Variants in QKI observed in about 807,000 individuals in gnomAD.
QKI encodes KH domain-containing RNA-binding protein QKI.
In QKI, 10 loss-of-function variants were observed where a neutral mutation model predicts 39.0. The observed-to-expected ratio is 0.26, with a 90% confidence interval of 0.16 to 0.43. QKI has a LOEUF of 0.43. QKI is among the 20% of genes least tolerant of loss of function. The pLI is 1.00. For synonymous variants in QKI, 204 were observed against 155.4 expected, an observed-to-expected ratio of 1.31 and a Z score of -2.33; for missense variants, 218 against 428.0, an observed-to-expected ratio of 0.51 and a Z score of 4.33.
chr6:163,458,481 A>G (rs760693278), intron 2 of QKI, among the ~76,000 whole-genome samples: 2 of 152,228 alleles, frequency 1.3e-5, no homozygotes, highest in Non-Finnish European at 2.9e-5. Flanking sequence ...TTTGTTGCAC[A>G]TATTTGTATG....
At chr6:163,511,675 A>T (rs1779489287) in intron 3 of QKI, among the ~76,000 whole-genome samples, 1 of 152,026 alleles carries the variant, frequency 6.6e-6, no homozygotes, top group Admixed American at 6.5e-5. Context: ...CCCTATATTG[A>T]TTAGAGAAGC....
At chr6:163,547,190 A>G (rs1781937512) in intron 4 of QKI, among the ~76,000 whole-genome samples, 1 of 152,164 alleles carries the variant, frequency 6.6e-6, no homozygotes, top group Non-Finnish European at 1.5e-5. Flanking sequence ...ATACTTGGGA[A>G]TATTTCTTTC....
intron 2 of QKI, among the ~76,000 whole-genome samples, chr6:163,457,766 A>T (rs1210971570): frequency 2.6e-5 from 4 of 152,058 alleles, no homozygotes; most frequent in African/African-American, 9.7e-5. Context: ...TGAATTAAAC[A>T]GTGTCACTGG....
At chr6:163,523,315 T>C (rs368124668) in intron 3 of QKI, among the ~76,000 whole-genome samples, 7 of 152,358 alleles carry the variant, frequency 4.6e-5, no homozygotes, top group African/African-American at 1.7e-4. Flanking sequence ...ACATGTGGAA[T>C]GCACGAGAAA....
chr6:163,415,860 T>G, intron 1 of QKI: 1 of 500,612 alleles, frequency 2.0e-6, no homozygotes, highest in South Asian at 1.5e-5. Context: ...GTTTCGTGGT[T>G]GGGGAGTTGG....
At chr6:163,439,025 T>C (rs1789527533) in intron 1 of QKI, among the ~76,000 whole-genome samples, 1 of 152,098 alleles carries the variant, frequency 6.6e-6, no homozygotes, top group African/African-American at 2.4e-5. Context: ...TACTTCTGAG[T>C]CCTTTTTGTT....
rs1488162335 is a variant in QKI at position 163,577,362 on chromosome 6, T to C, written c.*6652T>C. ...TTATACGGTGTTTTGCTTTTTAAAC[T>C]ACTTGCCATAATTTAAAAGTGGCAA... On this transcript the variant is annotated 3_prime_UTR_variant, in exon 8 of 8. Coordinates refer to ENST00000361752, the MANE Select transcript of QKI (RefSeq NM_006775.3). 6.6e-6 allele frequency: 1 copy of C among 151,874 alleles called. No individual in the cohort carries two copies. The highest frequency in any genetic ancestry group is 1.5e-5 in the Non-Finnish European group (1 of 67,996). 9.4% of individuals were successfully genotyped at this position (151,874 alleles called of 1,614,324 possible). A position where few individuals can be genotyped will look rare whatever the true frequency, so the allele number is the denominator to read the frequency against.
intron 1 of QKI, among the ~76,000 whole-genome samples, chr6:163,433,723 C>G (rs1386331579): frequency 1.3e-5 from 2 of 151,686 alleles, no homozygotes; most frequent in African/African-American, 4.8e-5. Context: ...GCTGAGACCA[C>G]GCCATTGCAC....
intron 3 of QKI, among the ~76,000 whole-genome samples, chr6:163,508,151 A>C (rs1227874295): frequency 6.6e-6 from 1 of 152,194 alleles, no homozygotes; most frequent in Non-Finnish European, 1.5e-5. Context: ...TGGCCTGTGA[A>C]GTGGTCTGAC....
Position 163,570,835 on chromosome 6 carries a change from CCGTT to C in QKI, c.*129_*132del. ...CAGTGCAGCGAGCTGAGGCACTTGT[CCGTT>C]CGTCTTACCATCTAACCAAACAAAA... On this transcript the variant is annotated 3_prime_UTR_variant, in exon 8 of 8. Coordinates refer to ENST00000361752, the MANE Select transcript of QKI (RefSeq NM_006775.3). The C allele has an allele frequency of 7.8e-7, 1 of 1,284,846 alleles. No homozygotes were observed. The highest frequency in any genetic ancestry group is 1.6e-5 in the South Asian group (1 of 62,324). 79.6% of individuals were successfully genotyped at this position (1,284,846 alleles called of 1,614,324 possible).
intron 2 of QKI, among the ~76,000 whole-genome samples, chr6:163,465,384 C>G (rs1791659354): frequency 6.6e-6 from 1 of 152,092 alleles, no homozygotes; most frequent in South Asian, 2.1e-4. Flanking sequence ...ATTCCCAGCA[C>G]TTTGGGAGGC....
chr6:163,483,327 T>C (rs1176407585), intron 3 of QKI, among the ~76,000 whole-genome samples: 1 of 152,118 alleles, frequency 6.6e-6, no homozygotes, highest in East Asian at 1.9e-4. Context: ...TTGCCAATGG[T>C]TGGGGTGACT....
chr6:163,562,332 A>G (rs1033285045), intron 5 of QKI, among the ~76,000 whole-genome samples: 8 of 152,204 alleles, frequency 5.3e-5, no homozygotes, highest in African/African-American at 1.4e-4. Flanking sequence ...TCTAAATTCA[A>G]GTGTTTAAGA....
intron 1 of QKI, among the ~76,000 whole-genome samples, chr6:163,427,958 C>T (rs1788537610): frequency 6.6e-6 from 1 of 152,096 alleles, no homozygotes; most frequent in Non-Finnish European, 1.5e-5. Flanking sequence ...ATCTCTAGTG[C>T]AAACTTGTTG....
chr6:163,556,890 C>A (rs1782664258), intron 4 of QKI, among the ~76,000 whole-genome samples: 1 of 152,150 alleles, frequency 6.6e-6, no homozygotes, highest in Admixed American at 6.5e-5. Flanking sequence ...TAAAGACATT[C>A]TTTGTTGTGC....
At chr6:163,525,412 G>A (rs903006463) in intron 3 of QKI, among the ~76,000 whole-genome samples, 1 of 147,894 alleles carries the variant, frequency 6.8e-6, no homozygotes, top group Non-Finnish European at 1.5e-5. Flanking sequence ...AGGCTGGAGT[G>A]CAGTGGCACA....
In QKI at chr6:163,414,865, C is replaced by T. The variant is rs1464585412; in HGVS notation, c.-329C>T. 6.9e-6 allele frequency: 1 copy of T among 144,404 alleles called. No homozygotes were observed. The highest frequency in any genetic ancestry group is 6.8e-5 in the Admixed American group (1 of 14,610). 8.9% of individuals were successfully genotyped at this position (144,404 alleles called of 1,614,324 possible). A position where few individuals can be genotyped will look rare whatever the true frequency, so the allele number is the denominator to read the frequency against. ...GGCCCCGGCTCCTCCTCGTCCGGCG[C>T]CAGCAGCCCGCGCCCCGCGCCCGCA... On this transcript the variant is annotated 5_prime_UTR_variant, in exon 1 of 8. Coordinates refer to ENST00000361752, the MANE Select transcript of QKI (RefSeq NM_006775.3).
chr6:163,493,615 T>TGG (rs1436157947), intron 3 of QKI, among the ~76,000 whole-genome samples: 1 of 152,158 alleles, frequency 6.6e-6, no homozygotes, highest in African/African-American at 2.4e-5. Context: ...GCACTATAGG[T>TGG]GGGATTCCAC....
chr6:163,565,858 CAT>C (rs1435865914), intron 6 of QKI: 229 of 1,562,172 alleles, frequency 1.5e-4, no homozygotes, highest in Non-Finnish European at 1.5e-4. Flanking sequence ...CAGATGCAGA[CAT>C]GTGTGTTGGT....
Sources: gnomAD v4.1 joint callset for allele counts (sites outside exome capture counted in the v4.1 genomes callset) on GRCh38, gnomAD v4.1.1 for gene constraint, MANE v1.5 for transcripts, NCBI Gene and HGNC (gene_info 2026-07-23, HGNC 2026-07-21) for gene names.